ATP6V1F: variants seen among roughly 807,000 people sequenced by gnomAD.
The protein encoded by ATP6V1F is V-type proton ATPase subunit F.
In ATP6V1F, 4 loss-of-function variants were observed where a neutral mutation model predicts 6.6. The ratio of observed to expected loss-of-function variants is 0.60; its 90% CI spans 0.30 to 1.38. The LOEUF is 1.38. ATP6V1F is among the 40% of genes most tolerant of loss of function. The pLI is 0.08. For synonymous variants in ATP6V1F, 68 were observed against 66.9 expected, an observed-to-expected ratio of 1.02 and a Z score of -0.08; for missense variants, 136 against 165.5, an observed-to-expected ratio of 0.82 and a Z score of 0.98.
intron 1 of ATP6V1F, among the ~76,000 whole-genome samples, chr7:128,863,962 G>A (rs1262441411): frequency 6.6e-6 from 1 of 152,192 alleles, no homozygotes; most frequent in East Asian, 1.9e-4. Flanking sequence ...AATTTTTTAT[G>A]TTTCCAACCA....
At chr7:128,864,557 TA>T (rs1290165604) in intron 1 of ATP6V1F, among the ~76,000 whole-genome samples, 1 of 151,944 alleles carries the variant, frequency 6.6e-6, no homozygotes, top group Non-Finnish European at 1.5e-5. Flanking sequence ...TCATCAGCCC[TA>T]TTTTTAAATA....
Position 128,865,687 on chromosome 7 carries a change from C to T in ATP6V1F, c.*109C>T. The T allele has an allele frequency of 1.6e-6, 2 of 1,234,922 alleles. No homozygotes were observed. The highest frequency in any genetic ancestry group is 2.6e-5 in the East Asian group (1 of 39,110). 76.5% of individuals were successfully genotyped at this position (1,234,922 alleles called of 1,614,324 possible). On this transcript the variant is annotated 3_prime_UTR_variant, in exon 2 of 2. Coordinates refer to ENST00000249289, the MANE Select transcript of ATP6V1F (RefSeq NM_004231.4). The surrounding 1 kb of genome is among the most constrained non-coding windows in gnomAD (Gnocchi z 4.4). ...TCTGATTTCCAATTCCCTGCTCCTT[C>T]CCACTCCATTAAGAGGCTAGGTGAG...
chr7:128,863,995 C>A (rs183946351), intron 1 of ATP6V1F, among the ~76,000 whole-genome samples: 16 of 152,318 alleles, frequency 1.1e-4, no homozygotes, highest in Admixed American at 7.2e-4. Flanking sequence ...GAGATCAAAT[C>A]TAACCCAGTG....
Position 128,865,162 on chromosome 7 carries a change from T to A in ATP6V1F, c.159-215T>A, listed in dbSNP as rs1443562450. On this transcript the variant is annotated intron_variant, in intron 1 of 1. Coordinates refer to ENST00000249289, the MANE Select transcript of ATP6V1F (RefSeq NM_004231.4). This position sits in a 1 kb window ranked among gnomAD's most constrained non-coding sequence, Gnocchi z 4.4. ...CGGGCAGTGTTGTAGAAGCCAACCC[T>A]AATCAGCGTGACCCTCCGCTTTGGG... is the stretch of plus-strand genomic sequence containing the variant. The A allele has an allele frequency of 1.3e-6, 2 of 1,536,370 alleles. No homozygotes were observed. Among genetic ancestry groups the A allele is most frequent in the Non-Finnish European group, 1.7e-6 (2 of 1,146,952 alleles).
Position 128,864,862 on chromosome 7 carries a change from TAGAG to T in ATP6V1F, c.159-496_159-493del, listed in dbSNP as rs71162535. ...ATTTTTTTGTGTGTGTATATATAGA[TAGAG>T]AGAGAGAGAGAGAGAGAGGGAGATG... On this transcript the variant is annotated intron_variant, in intron 1 of 1. Transcript: ENST00000249289. The T allele has an allele frequency of 7.6e-3, 3,151 of 413,756 alleles. 5 individuals carry two copies. The highest frequency in any genetic ancestry group is 0.018 in the African/African-American group (867 of 48,004). The allele number at this position is 413,756 out of a possible 1,614,324, so 25.6% of individuals were successfully genotyped here. A position where few individuals can be genotyped will look rare whatever the true frequency, so the allele number is the denominator to read the frequency against.
chr7:128,863,428 G>A (rs1380465946), intron 1 of ATP6V1F, among the ~76,000 whole-genome samples: 1 of 152,220 alleles, frequency 6.6e-6, no homozygotes, highest in Non-Finnish European at 1.5e-5. Flanking sequence ...AGCTCGGAGA[G>A]GGTAAGGCAC....
rs746118590 is a variant in ATP6V1F at position 128,862,870 on chromosome 7, T to C, written c.-35T>C. 7.3e-6 allele frequency: 11 copies of C among 1,504,310 alleles called. No individual in the cohort carries two copies. In the East Asian group the frequency reaches 2.8e-4, roughly 38 times the overall value. 93.2% of individuals were successfully genotyped at this position (1,504,310 alleles called of 1,614,324 possible). A position where few individuals can be genotyped will look rare whatever the true frequency, so the allele number is the denominator to read the frequency against. On this transcript the variant is annotated 5_prime_UTR_variant, in exon 1 of 2. Transcript: ENST00000249289. ...GCGGAGGCGGGGTTTCAGTGGCTTC[T>C]GGTGCTCTAGGGTGAGCTCTGCCCG... is the stretch of plus-strand genomic sequence containing the variant.
chr7:128,862,945 A>G lies in ATP6V1F; in HGVS notation c.41A>G (p.Glu14Gly). The G allele has an allele frequency of 6.2e-7, 1 of 1,613,064 alleles. No individual in the cohort carries two copies. Among genetic ancestry groups the G allele is most frequent in the Non-Finnish European group, 8.5e-7 (1 of 1,179,522 alleles). Reference sequence around the variant, plus strand: ...AAGCTCATCGCAGTGATCGGAGACGAGGACACGGTGACTGGTTTCCTGCTG... The same window carrying G: ...AAGCTCATCGCAGTGATCGGAGACGGGGACACGGTGACTGGTTTCCTGCTG... The part of the protein sequence containing the change: ...RGKLIAVIGD[E>G]DTVTGFLLGG... The change falls in exon 1 of 2, where the codon GAG becomes GGG. Residue 14 changes from glutamate (E) to glycine (G), a missense_variant. Glu to Gly is a moderately conservative substitution (Grantham distance 98). Transcript: ENST00000249289.
At position 128,862,932 on chromosome 7, in the gene ATP6V1F, G is replaced by A. The variant is rs141175269; in HGVS notation, c.28G>A (p.Val10Met). The A allele has an allele frequency of 5.6e-6, 9 of 1,611,954 alleles. No individual in the cohort carries two copies. The African/African-American group carries it at 6.7e-5, about 12-fold the overall frequency. Residue 10 changes from valine (V) to methionine (M), a missense_variant, in exon 1 of 2, where the codon GTG (valine) becomes ATG (methionine). By Grantham distance (21) the Val-to-Met change is conservative. Coordinates refer to ENST00000249289, the MANE Select transcript of ATP6V1F (RefSeq NM_004231.4). MAGRGKLIA[V>M]IGDEDTVTGF... is the part of the protein sequence containing the mutation. ...GGCGGGGAGGGGTAAGCTCATCGCA[G>A]TGATCGGAGACGAGGACACGGTGAC...
Position 128,865,046 on chromosome 7 carries a change from T to C in ATP6V1F, c.159-331T>C. ...AAAGGGATCTGCATACATATAATCTTATCCTTCCCCTTTCTGACACATCAC... is the reference window on the plus strand; with the variant it reads ...AAAGGGATCTGCATACATATAATCTCATCCTTCCCCTTTCTGACACATCAC... On this transcript the variant is annotated intron_variant, in intron 1 of 1. Coordinates refer to ENST00000249289, the MANE Select transcript of ATP6V1F (RefSeq NM_004231.4). The surrounding 1 kb of genome is among the most constrained non-coding windows in gnomAD (Gnocchi z 4.4). 2 of 1,254,990 alleles carry C rather than the reference T, an allele frequency of 1.6e-6. No homozygotes were observed. The highest frequency in any genetic ancestry group is 2.5e-5 in the East Asian group (1 of 39,528). 77.7% of individuals were successfully genotyped at this position (1,254,990 alleles called of 1,614,324 possible).
At chr7:128,864,521 G>C (rs13226115) in intron 1 of ATP6V1F, among the ~76,000 whole-genome samples, 50,555 of 151,706 alleles carry the variant, frequency 0.33, 10,954 homozygotes, top group African/African-American at 0.61. Context: ...CCCTCATCAG[G>C]ATAGACCTTG....
In ATP6V1F at chr7:128,862,929, G is replaced by A. The variant is rs1809298858; in HGVS notation, c.25G>A (p.Ala9Thr). 1.2e-6 allele frequency: 2 copies of A among 1,611,406 alleles called. No homozygotes were observed. Among genetic ancestry groups the A allele is most frequent in the Non-Finnish European group, 1.7e-6 (2 of 1,178,816 alleles). ...GATGGCGGGGAGGGGTAAGCTCATC[G>A]CAGTGATCGGAGACGAGGACACGGT... is the stretch of plus-strand genomic sequence containing the variant. MAGRGKLI[A>T]VIGDEDTVTG... Residue 9 changes from alanine to threonine, a missense_variant, in exon 1 of 2, where the codon GCA becomes ACA. Physicochemically the swap from Ala to Thr is moderately conservative, Grantham distance 58. Transcript: ENST00000249289.
Position 128,865,014 on chromosome 7 carries a change from C to A in ATP6V1F, c.159-363C>A. 2.0e-6 allele frequency: 2 copies of A among 995,370 alleles called. No individual in the cohort carries two copies. The highest frequency in any genetic ancestry group is 1.4e-5 in the South Asian group (1 of 70,890). The allele number at this position is 995,370 out of a possible 1,614,324, so 61.7% of individuals were successfully genotyped here. On this transcript the variant is annotated intron_variant, in intron 1 of 1. Coordinates refer to ENST00000249289, the MANE Select transcript of ATP6V1F (RefSeq NM_004231.4). The surrounding 1 kb of genome is among the most constrained non-coding windows in gnomAD (Gnocchi z 4.4). ...CATCACAGCTGGCCTTCAGTATCTG[C>A]ACATAAAAAGGGATCTGCATACATA...
intron 1 of ATP6V1F, among the ~76,000 whole-genome samples, chr7:128,863,365 T>C (rs1809314994): frequency 6.6e-6 from 1 of 152,198 alleles, no homozygotes; most frequent in Non-Finnish European, 1.5e-5. Context: ...AGGCTCACCA[T>C]CGTCCCGTAA....
chr7:128,864,792 G>A lies in ATP6V1F; in HGVS notation c.159-585G>A, dbSNP rs561072406. ...CGCCACATCCAGCCATTTTTTTTTT[G>A]TGTGTATATATATAGATAGATAGAT... On this transcript the variant is annotated intron_variant, in intron 1 of 1. Transcript: ENST00000249289. 425 of 193,304 alleles carry A rather than the reference G, an allele frequency of 2.2e-3. 6 individuals carry two copies. The highest frequency in any genetic ancestry group is 9.6e-3 in the African/African-American group (403 of 41,906). 12.0% of individuals were successfully genotyped at this position (193,304 alleles called of 1,614,324 possible).
intron 1 of ATP6V1F, among the ~76,000 whole-genome samples, chr7:128,863,296 A>G (rs1049695484): frequency 1.3e-5 from 2 of 152,222 alleles, no homozygotes; most frequent in African/African-American, 4.8e-5. Flanking sequence ...GAAGGGGAAC[A>G]GAGCTCGTGA....
Position 128,865,031 on chromosome 7 carries a change from G to A in ATP6V1F, c.159-346G>A. 1 of 1,121,704 alleles carries A rather than the reference G, an allele frequency of 8.9e-7. No individual in the cohort carries two copies. The highest frequency in any genetic ancestry group is 1.3e-6 in the Non-Finnish European group (1 of 770,486). 69.5% of individuals were successfully genotyped at this position (1,121,704 alleles called of 1,614,324 possible). Reference sequence around the variant, plus strand: ...AGTATCTGCACATAAAAAGGGATCTGCATACATATAATCTTATCCTTCCCC... The same window carrying A: ...AGTATCTGCACATAAAAAGGGATCTACATACATATAATCTTATCCTTCCCC... On this transcript the variant is annotated intron_variant, in intron 1 of 1. Transcript: ENST00000249289. The surrounding 1 kb of genome is among the most constrained non-coding windows in gnomAD (Gnocchi z 4.4).
At position 128,865,429 on chromosome 7, in the gene ATP6V1F, G is replaced by C. The variant is rs747850473; in HGVS notation, c.211G>C (p.Ala71Pro). 1.2e-6 allele frequency: 2 copies of C among 1,614,134 alleles called. No homozygotes were observed. The highest frequency in any genetic ancestry group is 1.1e-5 in the South Asian group (1 of 91,084). ...CATCATCCTCATCAACCAGTACATC[G>C]CAGAGATGGTGCGGCATGCCCTGGA... ...IGIILINQYI[A>P]EMVRHALDAH... The change falls in exon 2 of 2, where the codon GCA (alanine) becomes CCA (proline). Residue 71 changes from alanine (A) to proline (P), a missense_variant. Transcript: ENST00000249289. This position sits in a 1 kb window ranked among gnomAD's most constrained non-coding sequence, Gnocchi z 4.4.
chr7:128,864,475 A>G (rs13225751), intron 1 of ATP6V1F, among the ~76,000 whole-genome samples: 51,117 of 152,118 alleles, frequency 0.34, 11,168 homozygotes, highest in African/African-American at 0.62. Flanking sequence ...TTGTGATCTT[A>G]GTTCATGCCA....
Sources: gnomAD v4.1 joint callset for allele counts (sites outside exome capture counted in the v4.1 genomes callset) on GRCh38, gnomAD v4.1.1 for gene constraint, Gnocchi (gnomAD v3.1) non-coding constraint, MANE v1.5 for transcripts, NCBI Gene and HGNC (gene_info 2026-07-23, HGNC 2026-07-21) for gene names.